The following MYO16 variants were observed in gnomAD, a reference collection of about 807,000 sequenced individuals.
MYO16 encodes myosin XVI, also known as unconventional myosin-XVI.
In MYO16, 94 loss-of-function variants were observed where a neutral mutation model predicts 205.3. That is an observed-to-expected ratio of 0.46 (90% CI 0.39 to 0.54). MYO16 has a LOEUF of 0.54. MYO16 is among the 20% of genes least tolerant of loss of function. The pLI is 0.00. For missense variants in MYO16, 2,315 were observed against 2,387.5 expected, an observed-to-expected ratio of 0.97 and a Z score of 0.63; for synonymous variants, 988 against 954.0, an observed-to-expected ratio of 1.04 and a Z score of -0.66.
chr13:108,926,352 A>T (rs2139278250), intron 16 of MYO16, among the ~76,000 whole-genome samples: 1 of 152,300 alleles, frequency 6.6e-6, no homozygotes, highest in South Asian at 2.1e-4. Flanking sequence ...CTTTCTGAAG[A>T]TGAAAAAATA....
upstream of MYO16, among the ~76,000 whole-genome samples, chr13:108,593,657 A>G (rs1221529963): frequency 2.0e-5 from 3 of 152,304 alleles, no homozygotes; most frequent in African/African-American, 7.2e-5. Context: ...CTAGCTACTG[A>G]GGATATGGAT....
At chr13:108,999,846 T>C (rs1885154231) in intron 21 of MYO16, among the ~76,000 whole-genome samples, 1 of 152,186 alleles carries the variant, frequency 6.6e-6, no homozygotes, top group Admixed American at 6.5e-5. Context: ...TTAGTATATA[T>C]TTTCTAAACT....
At chr13:108,750,857 C>A (rs1885214019) in intron 4 of MYO16, among the ~76,000 whole-genome samples, 1 of 151,880 alleles carries the variant, frequency 6.6e-6, no homozygotes, top group Admixed American at 6.6e-5. Context: ...TGGAAGCGGA[C>A]AATTACATAA....
chr13:108,866,359 C>A, intron 12 of MYO16, 117 bp downstream of exon 12: 1 of 575,580 alleles, frequency 1.7e-6, no homozygotes, highest in Non-Finnish European at 2.9e-6. Flanking sequence ...TTTTTAAATT[C>A]TGAATTGAAT....
rs1242838305 is a variant in MYO16, at chr13:109,140,428, G to C, written c.4216G>C (p.Ala1406Pro). Residue 1406 changes from alanine to proline, a missense_variant, in exon 32 of 35, where the codon GCG becomes CCG. Physicochemically the swap from Ala to Pro is conservative, Grantham distance 27. Around this residue, in one of 3 missense-constraint regions of MYO16, gnomAD observed 1,097 missense variants for 1,092.0 expected, o/e 1.00. Transcript: ENST00000457511. This position sits in a 1 kb window ranked among gnomAD's most constrained non-coding sequence, Gnocchi z 8.0. ...ARPAGAPGAAARVLTPGTPQC... is the reference protein window; with the variant it reads ...ARPAGAPGAAPRVLTPGTPQC... ...GCCCGCGGGCGCCCCGGGGGCAGCA[G>C]CGCGCGTTCTGACCCCCGGGACTCC... 2.6e-6 allele frequency: 4 copies of C among 1,565,108 alleles called. No homozygotes were observed. Among genetic ancestry groups the C allele is most frequent in the Non-Finnish European group, 3.4e-6 (4 of 1,162,410 alleles).
In MYO16 at chr13:109,142,820, A is replaced by G. The variant is rs574836871; in HGVS notation, c.5164+1444A>G. ...GTATTTGGACCCGAGAAGATTCTGT[A>G]TCTGCGCCCCTGAGCTGCTGCCCAG... On this transcript the variant is annotated intron_variant, in intron 32 of 34. Coordinates refer to ENST00000457511, the MANE Select transcript of MYO16 (RefSeq NM_001198950.3). Among the ~76,000 whole-genome samples the G allele has an allele frequency of 2.0e-5, 3 of 152,246 alleles. No homozygotes were observed. In the South Asian group the frequency reaches 6.2e-4, roughly 32 times the overall value.
At chr13:108,820,778 G>A (rs1486521324) in intron 8 of MYO16, among the ~76,000 whole-genome samples, 6 of 151,966 alleles carry the variant, frequency 3.9e-5, no homozygotes, top group Non-Finnish European at 7.4e-5. Context: ...ATGCTTATCC[G>A]TTAAGGTATT....
intron 33 of MYO16, among the ~76,000 whole-genome samples, chr13:109,171,278 A>G (rs1265307979): frequency 6.6e-6 from 1 of 152,242 alleles, no homozygotes; most frequent in Non-Finnish European, 1.5e-5. Flanking sequence ...TGATGTATAC[A>G]TGAGCATGAT....
intron 2 of MYO16, among the ~76,000 whole-genome samples, chr13:108,701,864 A>C (rs1117192): frequency 0.77 from 117,303 of 152,056 alleles, 45,437 homozygotes; most frequent in East Asian, 0.98. Flanking sequence ...GAGAAGAACA[A>C]TTATAAAAAC....
chr13:109,141,451 T>C lies in MYO16; in HGVS notation c.5164+75T>C. On this transcript the variant is annotated intron_variant, in intron 32 of 34. Transcript: ENST00000457511. This position sits in a 1 kb window ranked among gnomAD's most constrained non-coding sequence, Gnocchi z 4.1. ...GCGTGCACCTGTGTACATCCGTGTCTGCGCAGATGTGAAATAGTAAAGTTT... is the reference window on the plus strand; with the variant it reads ...GCGTGCACCTGTGTACATCCGTGTCCGCGCAGATGTGAAATAGTAAAGTTT... 1.2e-5 allele frequency: 12 copies of C among 995,808 alleles called. No individual in the cohort carries two copies. The highest frequency in any genetic ancestry group is 1.2e-5 in the Non-Finnish European group (9 of 728,438). The allele number at this position is 995,808 out of a possible 1,614,324, so 61.7% of individuals were successfully genotyped here.
intron 16 of MYO16, among the ~76,000 whole-genome samples, chr13:108,948,392 A>G (rs11843674): frequency 0.045 from 6,903 of 152,320 alleles, 142 homozygotes; most frequent in African/African-American, 0.055. Flanking sequence ...TGAATGGACT[A>G]AACAAGTTTG....
At chr13:108,806,634 T>A (rs780472624) in intron 6 of MYO16, 45 bp from the exon 7 acceptor site, 47 of 1,584,770 alleles carry the variant, frequency 3.0e-5, no homozygotes, top group Non-Finnish European at 4.1e-5. Context: ...TGCATGAATA[T>A]CACTACTTTA....
chr13:109,055,468 A>G lies in MYO16; in HGVS notation c.3208A>G (p.Lys1070Glu). 1 of 1,613,250 alleles carries G rather than the reference A, an allele frequency of 6.2e-7. No individual in the cohort carries two copies. The highest frequency in any genetic ancestry group is 8.5e-7 in the Non-Finnish European group (1 of 1,179,480). Residue 1070 changes from lysine (K) to glutamate (E), a missense_variant, in exon 27 of 35, where the codon AAG (lysine) becomes GAG (glutamate). By Grantham distance (56) the Lys-to-Glu change is moderately conservative (BLOSUM62 1). Transcript: ENST00000457511. The surrounding 1 kb of genome is among the most constrained non-coding windows in gnomAD (Gnocchi z 5.0). The part of the protein sequence containing the change: ...FIHCIRPNNS[K>E]LPDTFDNFYV... The stretch of plus-strand genomic sequence containing the variant: ...TCATTGCATCAGGCCCAATAACTCA[A>G]AGCTGCCAGATACTTTTGATAATTT...
Position 109,047,089 on chromosome 13 carries a change from T to C in MYO16, c.2872+98T>C, listed in dbSNP as rs868743916. 4.2e-5 allele frequency: 38 copies of C among 910,746 alleles called. 1 individual carries two copies. In the Middle Eastern group the frequency reaches 8.3e-4, roughly 20 times the overall value. 56.4% of individuals were successfully genotyped at this position (910,746 alleles called of 1,614,324 possible). A position where few individuals can be genotyped will look rare whatever the true frequency, so the allele number is the denominator to read the frequency against. On this transcript the variant is annotated intron_variant, in intron 24 of 34. Transcript: ENST00000457511. Reference sequence around the variant, plus strand: ...TTTTCCTAGAAAATATGCTACCAGCTAAAGCATAATTGAAATGCCTTTTGC... The same window carrying C: ...TTTTCCTAGAAAATATGCTACCAGCCAAAGCATAATTGAAATGCCTTTTGC...
At chr13:108,740,828 C>T (rs1408283413) in intron 4 of MYO16, among the ~76,000 whole-genome samples, 1 of 151,312 alleles carries the variant, frequency 6.6e-6, no homozygotes, top group East Asian at 2.0e-4. Flanking sequence ...CAAGCCTCAG[C>T]AATGGCAGGC....
intron 3 of MYO16, among the ~76,000 whole-genome samples, chr13:108,722,944 G>T (rs1464964187): frequency 3.3e-5 from 5 of 151,930 alleles, no homozygotes; most frequent in Admixed American, 3.3e-4. Context: ...AAATTATTCT[G>T]TAAGAATTCG....
intron 2 of MYO16, among the ~76,000 whole-genome samples, chr13:108,666,445 T>A (rs904291301): frequency 6.6e-6 from 1 of 152,138 alleles, no homozygotes; most frequent in Non-Finnish European, 1.5e-5. Context: ...AATTGTTTAA[T>A]TCTAATTGTT....
At chr13:109,083,780 A>C (rs943508320) in intron 27 of MYO16, among the ~76,000 whole-genome samples, 3 of 152,168 alleles carry the variant, frequency 2.0e-5, no homozygotes, top group African/African-American at 7.2e-5. Context: ...GTGGGTGGCA[A>C]TCAGGACAGC....
At chr13:108,775,237 T>C (rs1283581840) in intron 4 of MYO16, among the ~76,000 whole-genome samples, 1 of 152,220 alleles carries the variant, frequency 6.6e-6, no homozygotes, top group Non-Finnish European at 1.5e-5. Context: ...TTCAGAATCA[T>C]TTTTCTCTCA....
Sources: allele counts gnomAD v4.1 joint callset (sites outside exome capture counted in the v4.1 genomes callset), GRCh38; gene constraint gnomAD v4.1.1; regional missense constraint gnomAD v4.1.1; non-coding constraint Gnocchi (gnomAD v3.1); transcripts MANE v1.5; gene names NCBI Gene and HGNC (gene_info 2026-07-23, HGNC 2026-07-21).